Variants in MIDEAS observed in about 807,000 individuals in gnomAD.
MIDEAS encodes mitotic deacetylase associated SANT domain protein.
MIDEAS carries 26 observed loss-of-function variants against 102.7 expected under a neutral mutation model. The observed-to-expected ratio is 0.25, with a 90% CI of 0.19 to 0.35. The LOEUF is 0.35. MIDEAS is among the 10% of genes least tolerant of loss of function. The pLI, the probability that MIDEAS is intolerant of heterozygous loss-of-function variation, is 1.00. For missense variants in MIDEAS, 1,231 were observed against 1,435.6 expected, an observed-to-expected ratio of 0.86 and a Z score of 2.30; for synonymous variants, 585 against 591.0, an observed-to-expected ratio of 0.99 and a Z score of 0.15.
At chr14:73,766,309 G>A (rs191102303) in intron 1 of MIDEAS, among the ~76,000 whole-genome samples, 4 of 152,256 alleles carry the variant, frequency 2.6e-5, no homozygotes, top group African/African-American at 7.2e-5. Flanking sequence ...TAGCTATACA[G>A]TGCCTGCACA....
intron 1 of MIDEAS, among the ~76,000 whole-genome samples, chr14:73,778,727 G>A (rs2053716030): frequency 6.6e-6 from 1 of 151,980 alleles, no homozygotes; most frequent in African/African-American, 2.4e-5. Flanking sequence ...CTGCACATGG[G>A]CACTGCCCTC....
In MIDEAS at chr14:73,778,217, C is replaced by T. The variant is rs143251112; in HGVS notation, c.-248+8885G>A. ...TAAAAATACAAAAATTAGCCGGGTG[C>T]GGCAGCACACACCTGTAATCCCAGC... On this transcript the variant is annotated intron_variant, in intron 1 of 11. Transcript: ENST00000394071. Among the ~76,000 whole-genome samples, 376 of 151,820 alleles carry T rather than the reference C, an allele frequency of 2.5e-3. 3 individuals carry two copies. The highest frequency in any genetic ancestry group is 8.6e-3 in the African/African-American group (356 of 41,462).
chr14:73,776,664 C>T (rs2053691561), intron 1 of MIDEAS, among the ~76,000 whole-genome samples: 1 of 151,978 alleles, frequency 6.6e-6, no homozygotes, highest in African/African-American at 2.4e-5. Flanking sequence ...ATGAGAGACA[C>T]CTGTCCACCT....
rs1048677076 is a variant in MIDEAS, at chr14:73,738,741, C to T, written c.1268G>A (p.Arg423Gln). 50 of 1,611,454 alleles carry T rather than the reference C, an allele frequency of 3.1e-5. No homozygotes were observed. Among genetic ancestry groups the T allele is most frequent in the Non-Finnish European group, 3.8e-5 (45 of 1,178,814 alleles). ...GERLAPNGRE[R>Q]EAPAMGSEEG... ...CTCGCTGCCCATGGCAGGAGCCTCT[C>T]GCTCCCGGCCATTGGGTGCTAGTCT... is the stretch of plus-strand genomic sequence containing the variant. Residue 423 changes from arginine to glutamine, a missense_variant, in exon 2 of 13, where the codon CGA becomes CAA. Coordinates refer to ENST00000423556, the MANE Select transcript of MIDEAS (RefSeq NM_001367710.1).
chr14:73,739,039 C>G lies in MIDEAS; in HGVS notation c.970G>C (p.Ala324Pro). 11 of 1,555,260 alleles carry G rather than the reference C, an allele frequency of 7.1e-6. No homozygotes were observed. Among genetic ancestry groups the G allele is most frequent in the Non-Finnish European group, 9.6e-6 (11 of 1,148,540 alleles). The change falls in exon 2 of 13, where the codon GCC becomes CCC. Residue 324 changes from alanine (A) to proline (P), a missense_variant. Ala to Pro is a conservative substitution (Grantham distance 27, BLOSUM62 -1). This residue lies in a region of MIDEAS where 758 missense variants were observed against 856.0 expected (regional missense o/e 0.89). Transcript: ENST00000423556. ...NPDMNPELRK[A>P]LLQDSAPQPA... ...TGCGGGGCTGAGTCCTGCAGAAGGG[C>G]CTTGCGCAGTTCTGGGTTCATATCT...
At chr14:73,765,510 T>C (rs1392770818) in intron 1 of MIDEAS, among the ~76,000 whole-genome samples, 1 of 152,216 alleles carries the variant, frequency 6.6e-6, no homozygotes, top group East Asian at 1.9e-4. Context: ...TTGCACACTT[T>C]ACCATCCACA....
At chr14:73,763,762 T>C (rs2053571501), upstream of MIDEAS, among the ~76,000 whole-genome samples, 1 of 151,934 alleles carries the variant, frequency 6.6e-6, no homozygotes, top group Non-Finnish European at 1.5e-5. Flanking sequence ...TTACCTACAA[T>C]TACAACAGAA....
rs776801148 is a variant in MIDEAS at position 73,739,064 on chromosome 14, T to G, written c.945A>C (p.Pro315=). ...CCTTGCGCAGTTCTGGGTTCATATC[T>G]GGGTTGGGGGGGAAGGGGTAGGGTG... ...SMAPYPFPPN[P]DMNPELRKAL... is the part of the protein sequence containing the mutation. The change falls in exon 2 of 13, where the codon CCA becomes CCC. Residue 315 remains proline (P), a synonymous_variant. Coordinates refer to ENST00000423556, the MANE Select transcript of MIDEAS (RefSeq NM_001367710.1). The G allele has an allele frequency of 4.5e-6, 7 of 1,566,032 alleles. No individual in the cohort carries two copies. The African/African-American group carries it at 8.2e-5, about 18-fold the overall frequency.
At chr14:73,777,698 G>A (rs990777741) in intron 1 of MIDEAS, among the ~76,000 whole-genome samples, 5 of 151,966 alleles carry the variant, frequency 3.3e-5, no homozygotes, top group African/African-American at 9.7e-5. Context: ...GCTTCTCCAG[G>A]ACGCCTCTCA....
chr14:73,741,556 C>A (rs2053281531), intron 1 of MIDEAS, among the ~76,000 whole-genome samples: 1 of 152,146 alleles, frequency 6.6e-6, no homozygotes, highest in South Asian at 2.1e-4. Flanking sequence ...CAGCGGAGGG[C>A]AGGGCTGGGC....
intron 1 of MIDEAS, among the ~76,000 whole-genome samples, chr14:73,743,922 C>G (rs893354136): frequency 6.6e-6 from 1 of 152,098 alleles, no homozygotes; most frequent in African/African-American, 2.4e-5. Flanking sequence ...CAATCCTTGA[C>G]CAGACCCACA....
chr14:73,760,728 C>G (rs377279722), upstream of MIDEAS, among the ~76,000 whole-genome samples: 7 of 152,176 alleles, frequency 4.6e-5, no homozygotes, highest in African/African-American at 1.7e-4. This position sits in a 1 kb window ranked among gnomAD's most constrained non-coding sequence, Gnocchi z 4.8. Context: ...GGCTCAAAAG[C>G]GTCCTGGTGC....
chr14:73,731,461 A>T (rs1010539352), intron 3 of MIDEAS, among the ~76,000 whole-genome samples: 2 of 152,092 alleles, frequency 1.3e-5, no homozygotes, highest in African/African-American at 2.4e-5. Flanking sequence ...TAGGAAAACA[A>T]TATGATTGCA....
intron 10 of MIDEAS, 122 bp from the exon 11 acceptor site, chr14:73,721,631 C>A: frequency 1.2e-6 from 1 of 831,690 alleles, no homozygotes; most frequent in South Asian, 1.5e-5. Flanking sequence ...GCTGGCCCAG[C>A]ATAGTCTTCT....
In MIDEAS at chr14:73,739,310, G is replaced by A; in HGVS notation, c.699C>T (p.Gly233=). Residue 233 remains glycine, a synonymous_variant, in exon 2 of 13, where the codon GGC becomes GGT. Transcript: ENST00000423556. ...CAGCCACCGGGTTTGGGGGCGGTGG[G>A]CCCTGCCGGAAGACCTGCCGGTTCA... ...HQVNRQVFRQ[G]PPPPNPVAAF... is the part of the protein sequence containing the mutation. 6.2e-7 allele frequency: 1 copy of A among 1,609,624 alleles called. No homozygotes were observed. The highest frequency in any genetic ancestry group is 8.5e-7 in the Non-Finnish European group (1 of 1,178,696).
intron 1 of MIDEAS, among the ~76,000 whole-genome samples, chr14:73,773,548 G>A (rs959256395): frequency 3.3e-5 from 5 of 151,770 alleles, no homozygotes; most frequent in East Asian, 1.9e-4. Context: ...CCAGGGGCCC[G>A]GAACAAACAC....
At position 73,739,532 on chromosome 14, in the gene MIDEAS, A is replaced by G; in HGVS notation, c.477T>C (p.Tyr159=). ...CCCGCTTCAGTGCCTCAGGGTGGTTATAGTAAGTCGGGACTCCCACTCCAG... is the reference window on the plus strand; with the variant it reads ...CCCGCTTCAGTGCCTCAGGGTGGTTGTAGTAAGTCGGGACTCCCACTCCAG... ...PHPGVGVPTY[Y]NHPEALKREK... The change falls in exon 2 of 13, where the codon TAT becomes TAC. Residue 159 remains tyrosine (Y), a synonymous_variant. Transcript: ENST00000423556. The G allele has an allele frequency of 6.2e-7, 1 of 1,614,110 alleles. No homozygotes were observed. The highest frequency in any genetic ancestry group is 8.5e-7 in the Non-Finnish European group (1 of 1,179,984).
At chr14:73,720,562 TAA>T (rs113049259) in intron 11 of MIDEAS, among the ~76,000 whole-genome samples, 1 of 150,914 alleles carries the variant, frequency 6.6e-6, no homozygotes. Flanking sequence ...CATACATTTC[TAA>T]AAAAAAAGAC....
chr14:73,780,712 C>G (rs947126718), intron 1 of MIDEAS, among the ~76,000 whole-genome samples: 7 of 152,186 alleles, frequency 4.6e-5, no homozygotes, highest in Admixed American at 2.0e-4. Flanking sequence ...GTCTTGGGAA[C>G]TGGGAGCATT....
Sources: gnomAD v4.1 joint callset for allele counts (sites outside exome capture counted in the v4.1 genomes callset) on GRCh38, gnomAD v4.1.1 for gene constraint, gnomAD v4.1.1 regional missense constraint, Gnocchi (gnomAD v3.1) non-coding constraint, MANE v1.5 for transcripts, NCBI Gene and HGNC (gene_info 2026-07-23, HGNC 2026-07-21) for gene names.